NXN: variants seen among roughly 807,000 people sequenced by gnomAD.
The protein encoded by NXN is nucleoredoxin 1.
Under a neutral mutation model 48.6 loss-of-function variants are expected in NXN, and 16 were observed. That is an observed-to-expected ratio of 0.33 (90% confidence interval 0.22 to 0.50). NXN has a LOEUF of 0.50. NXN is among the 20% of genes least tolerant of loss of function. NXN has a pLI of 0.98. For synonymous variants in NXN, 281 were observed against 269.6 expected, an observed-to-expected ratio of 1.04 and a Z score of -0.41; for missense variants, 492 against 605.5, an observed-to-expected ratio of 0.81 and a Z score of 1.97.
At chr17:876,301 G>T (rs778348272) in intron 1 of NXN, among the ~76,000 whole-genome samples, 85 of 151,824 alleles carry the variant, frequency 5.6e-4, no homozygotes, top group Non-Finnish European at 5.6e-4. Context: ...AAAAAGGCAG[G>T]CTCCCAAAGT....
At chr17:805,397 A>C (rs1290954532) in intron 5 of NXN, 150 bp from the exon 6 acceptor site, 8 of 842,902 alleles carry the variant, frequency 9.5e-6, no homozygotes, top group Non-Finnish European at 1.4e-5. Flanking sequence ...GGCCAGGTCT[A>C]AAGTCACAAA....
intron 1 of NXN, among the ~76,000 whole-genome samples, chr17:853,723 A>ATTTTTTT (rs1221156589): frequency 1.0e-4 from 11 of 106,002 alleles, no homozygotes; most frequent in African/African-American, 4.7e-4. Flanking sequence ...ATATATATAT[A>ATTTTTTT]TTTTTTTTTT....
rs60181003 is a variant in NXN at position 857,884 on chromosome 17, TAAGAG to T, written c.361-31811_361-31807del. 2.7e-3 allele frequency among the ~76,000 whole-genome samples: 411 copies of T among 152,314 alleles called. 2 individuals carry two copies. The highest frequency in any genetic ancestry group is 8.5e-3 in the African/African-American group (355 of 41,576). The stretch of plus-strand genomic sequence containing the variant: ...TTTCTTTCGGTCCTTCCAATTACTT[TAAGAG>T]AAGAGTCTTGCTTTGATGTCAATAA... On this transcript the variant is annotated intron_variant, in intron 1 of 7. Transcript: ENST00000336868.
intron 1 of NXN, among the ~76,000 whole-genome samples, chr17:952,019 C>G (rs969022187): frequency 6.6e-6 from 1 of 152,178 alleles, no homozygotes; most frequent in Non-Finnish European, 1.5e-5. Flanking sequence ...CCATCACCAC[C>G]GCTCCCTCAT....
chr17:820,102 C>T (rs955471640), intron 4 of NXN, among the ~76,000 whole-genome samples: 2 of 152,030 alleles, frequency 1.3e-5, no homozygotes, highest in Admixed American at 6.6e-5. Context: ...AAGGAACCTA[C>T]GGAGTGATGA....
chr17:970,531 G>A (rs970326532), intron 1 of NXN, among the ~76,000 whole-genome samples: 10 of 152,082 alleles, frequency 6.6e-5, no homozygotes, highest in South Asian at 2.1e-4. Context: ...AGCAACCAGC[G>A]AATGTTTCAA....
In NXN at chr17:917,287, G is replaced by A. The variant is rs540552831; in HGVS notation, c.360+62032C>T. Among the ~76,000 whole-genome samples, 17 of 152,186 alleles carry A rather than the reference G, an allele frequency of 1.1e-4. No individual in the cohort carries two copies. The East Asian group carries it at 1.2e-3, about 10-fold the overall frequency. On this transcript the variant is annotated intron_variant, in intron 1 of 7. Transcript: ENST00000336868. The surrounding 1 kb of genome is among the most constrained non-coding windows in gnomAD (Gnocchi z 4.5). ...CTCCCGAGCAGCTGGGACTACAGGC[G>A]CCCGCCACCATGCCCAGCTAATTTT...
At chr17:817,780 G>T (rs1440828283) in intron 5 of NXN, among the ~76,000 whole-genome samples, 1 of 151,770 alleles carries the variant, frequency 6.6e-6, no homozygotes, top group South Asian at 2.1e-4. Context: ...GGAGTGCTGA[G>T]AACTCAATTA....
At chr17:946,667 G>A (rs952880325) in intron 1 of NXN, among the ~76,000 whole-genome samples, 7 of 152,168 alleles carry the variant, frequency 4.6e-5, no homozygotes, top group East Asian at 3.9e-4. Context: ...CGTTAGCCTC[G>A]GCGCCTCACA....
At chr17:853,300 C>T (rs949890675) in intron 1 of NXN, among the ~76,000 whole-genome samples, 4 of 151,424 alleles carry the variant, frequency 2.6e-5, no homozygotes, top group Admixed American at 2.0e-4. Context: ...AAAAATTAGC[C>T]GGGTGTGGTG....
intron 1 of NXN, among the ~76,000 whole-genome samples, chr17:955,857 G>A (rs530553103): frequency 6.6e-6 from 1 of 151,246 alleles, no homozygotes; most frequent in Non-Finnish European, 1.5e-5. Flanking sequence ...AGCCGAGATT[G>A]TGCCACTGCA....
At chr17:811,920 C>T (rs190516417) in intron 5 of NXN, among the ~76,000 whole-genome samples, 15 of 73,202 alleles carry the variant, frequency 2.0e-4, no homozygotes, top group African/African-American at 8.9e-4. Flanking sequence ...CCCAGTTCTG[C>T]TTTTTTTTTT....
At chr17:969,469 G>T (rs561704060) in intron 1 of NXN, among the ~76,000 whole-genome samples, 11 of 152,302 alleles carry the variant, frequency 7.2e-5, no homozygotes, top group African/African-American at 2.2e-4. Context: ...TTTTACAATT[G>T]CAGTCAAGAA....
At chr17:843,053 AAAGAAGGAAGAAAGCAAGC>A (rs1405662400) in intron 1 of NXN, among the ~76,000 whole-genome samples, 81 of 117,342 alleles carry the variant, frequency 6.9e-4, no homozygotes, top group African/African-American at 1.3e-3. Flanking sequence ...AGAAAGAAAG[AAAGAAGGAAGAAAGCAAGC>A]AAGCAAGCTG....
At chr17:868,484 TTTTGTTTGTTTG>T (rs764002417) in intron 1 of NXN, among the ~76,000 whole-genome samples, 1 of 152,002 alleles carries the variant, frequency 6.6e-6, no homozygotes, top group Non-Finnish European at 1.5e-5. Context: ...TTTTTTGGTT[TTTTGTTTGTTTG>T]TTTGTTTGTT....
At chr17:836,925 G>T (rs1028883283) in intron 1 of NXN, among the ~76,000 whole-genome samples, 1 of 151,728 alleles carries the variant, frequency 6.6e-6, no homozygotes, top group African/African-American at 2.4e-5. Context: ...CCAGAGTGCT[G>T]GGATTACAAG....
intron 5 of NXN, among the ~76,000 whole-genome samples, chr17:813,594 A>G (rs1308914397): frequency 6.6e-6 from 1 of 152,266 alleles, no homozygotes; most frequent in Non-Finnish European, 1.5e-5. Context: ...GTATGAATCA[A>G]ACTCATGCCA....
chr17:918,387 A>AT (rs1567862238), intron 1 of NXN, among the ~76,000 whole-genome samples: 1 of 152,176 alleles, frequency 6.6e-6, no homozygotes, highest in African/African-American at 2.4e-5. Flanking sequence ...GCAGCGTTTC[A>AT]TCTCCTTCGT....
intron 1 of NXN, among the ~76,000 whole-genome samples, chr17:832,937 C>T (rs922522358): frequency 2.6e-5 from 4 of 152,028 alleles, no homozygotes; most frequent in Middle Eastern, 3.4e-3. Context: ...GTCCCCCAGG[C>T]TGGAGTGCAG....
Sources: allele counts gnomAD v4.1 joint callset (sites outside exome capture counted in the v4.1 genomes callset), GRCh38; gene constraint gnomAD v4.1.1; non-coding constraint Gnocchi (gnomAD v3.1); transcripts MANE v1.5; gene names NCBI Gene and HGNC (gene_info 2026-07-23, HGNC 2026-07-21).